CTNND2: variants seen among roughly 807,000 people sequenced by gnomAD.
CTNND2 encodes the protein catenin delta-2.
In CTNND2, 22 loss-of-function variants were observed where a neutral mutation model predicts 144.4. That is an observed-to-expected ratio of 0.15 (90% CI 0.11 to 0.22). CTNND2 has a LOEUF of 0.22. Among genes scored for constraint, CTNND2 ranks in the 10% least tolerant of loss-of-function variants. The pLI, the probability that CTNND2 is intolerant of heterozygous loss-of-function variation, is 1.00. For missense variants in CTNND2, 1,353 were observed against 1,618.8 expected, an observed-to-expected ratio of 0.84 and a Z score of 2.82; for synonymous variants, 751 against 695.6, an observed-to-expected ratio of 1.08 and a Z score of -1.25.
chr5:10,977,676 C>G (rs1056451582), intron 21 of CTNND2, among the ~76,000 whole-genome samples: 5 of 152,196 alleles, frequency 3.3e-5, no homozygotes, highest in African/African-American at 1.2e-4. Flanking sequence ...TGGTCTTGAA[C>G]TCCTGAGCTC....
At chr5:11,266,006 G>T (rs2149966165) in intron 9 of CTNND2, among the ~76,000 whole-genome samples, 1 of 151,998 alleles carries the variant, frequency 6.6e-6, no homozygotes, top group Non-Finnish European at 1.5e-5. Flanking sequence ...CACCAGGCCT[G>T]GTCATCTCTT....
intron 3 of CTNND2, among the ~76,000 whole-genome samples, chr5:11,529,323 T>C (rs1285427533): frequency 6.6e-6 from 1 of 152,236 alleles, no homozygotes; most frequent in Non-Finnish European, 1.5e-5. Context: ...GATTATTTAA[T>C]TTCAGTTAAA....
rs76891929 is a variant in CTNND2, at chr5:11,449,467, C to T, written c.288-37398G>A. Among the ~76,000 whole-genome samples the T allele has an allele frequency of 9.8e-3, 1,487 of 152,238 alleles. 21 individuals are homozygous for T. Among genetic ancestry groups the T allele is most frequent in the African/African-American group, 0.034 (1,404 of 41,540 alleles). The stretch of plus-strand genomic sequence containing the variant: ...GATTTGGATCAGTCTTTCATCAAGA[C>T]GCTAGTTGTCTCCTACCTAACATGA... On this transcript the variant is annotated intron_variant, in intron 3 of 21. Coordinates refer to ENST00000304623, the MANE Select transcript of CTNND2 (RefSeq NM_001332.4).
intron 1 of CTNND2, among the ~76,000 whole-genome samples, chr5:11,744,956 G>A (rs865884564): frequency 7.9e-5 from 12 of 151,786 alleles, no homozygotes; most frequent in Admixed American, 6.6e-5. Context: ...GGTGGGTCTC[G>A]AACTCCTGAG....
At chr5:11,145,967 G>A (rs1266401321) in intron 12 of CTNND2, among the ~76,000 whole-genome samples, 3 of 152,050 alleles carry the variant, frequency 2.0e-5, no homozygotes, top group Admixed American at 6.6e-5. Context: ...CGCCTTCACC[G>A]GCAAACTCTC....
At chr5:11,244,642 A>G (rs1015962971) in intron 9 of CTNND2, among the ~76,000 whole-genome samples, 6 of 152,224 alleles carry the variant, frequency 3.9e-5, no homozygotes, top group African/African-American at 1.4e-4. Flanking sequence ...TATATAAACA[A>G]TAGCACTAGA....
At chr5:11,487,562 G>A (rs1768947747) in intron 3 of CTNND2, among the ~76,000 whole-genome samples, 2 of 152,168 alleles carry the variant, frequency 1.3e-5, no homozygotes. Flanking sequence ...GGCAGTCAGA[G>A]TGCAGTGTGC....
chr5:11,758,961 T>C (rs11745162), intron 1 of CTNND2, among the ~76,000 whole-genome samples: 133,437 of 151,960 alleles, frequency 0.88, 60,707 homozygotes, highest in Non-Finnish European at 0.99. Context: ...ATTTTAATAT[T>C]TAGTTGTTAG....
chr5:11,448,191 C>A (rs1199638177), intron 3 of CTNND2, among the ~76,000 whole-genome samples: 2 of 152,018 alleles, frequency 1.3e-5, no homozygotes, highest in African/African-American at 4.8e-5. Context: ...TTATACCAAA[C>A]GATTTACACA....
At chr5:11,248,244 A>G (rs150185875) in intron 9 of CTNND2, among the ~76,000 whole-genome samples, 1 of 152,244 alleles carries the variant, frequency 6.6e-6, no homozygotes, top group African/African-American at 2.4e-5. Flanking sequence ...CTTTGTTGAT[A>G]TCAGGGTAAG....
At chr5:11,371,401 T>C (rs1027995125) in intron 7 of CTNND2, among the ~76,000 whole-genome samples, 1 of 152,222 alleles carries the variant, frequency 6.6e-6, no homozygotes, top group Non-Finnish European at 1.5e-5. Flanking sequence ...AAATATTACA[T>C]CTTAGATCTG....
At chr5:11,036,013 C>T (rs1394199688) in intron 16 of CTNND2, among the ~76,000 whole-genome samples, 1 of 152,166 alleles carries the variant, frequency 6.6e-6, no homozygotes. Context: ...GGTTTTCTCT[C>T]TGATTATATT....
intron 18 of CTNND2, among the ~76,000 whole-genome samples, chr5:11,005,126 G>T (rs2149517395): frequency 6.6e-6 from 1 of 152,342 alleles, no homozygotes; most frequent in Admixed American, 6.5e-5. Flanking sequence ...CACTGGGGCA[G>T]CAATAACCAG....
intron 2 of CTNND2, among the ~76,000 whole-genome samples, chr5:11,569,416 T>C (rs987267047): frequency 2.0e-5 from 3 of 152,208 alleles, no homozygotes; most frequent in Admixed American, 2.0e-4. Flanking sequence ...TATTGAACCA[T>C]ATAATACATT....
chr5:11,825,781 T>C (rs1427278095), intron 1 of CTNND2, among the ~76,000 whole-genome samples: 1 of 151,948 alleles, frequency 6.6e-6, no homozygotes, highest in Non-Finnish European at 1.5e-5. Flanking sequence ...AAGCCAAGGA[T>C]TAAGCAGACT....
intron 16 of CTNND2, among the ~76,000 whole-genome samples, chr5:11,068,716 C>T (rs1191008131): frequency 6.6e-6 from 1 of 152,158 alleles, no homozygotes; most frequent in Non-Finnish European, 1.5e-5. Flanking sequence ...GAGATCGAGA[C>T]CATCCTGGCT....
At chr5:11,444,415 T>A (rs1352131871) in intron 3 of CTNND2, among the ~76,000 whole-genome samples, 1 of 152,196 alleles carries the variant, frequency 6.6e-6, no homozygotes, top group Admixed American at 6.5e-5. Context: ...ATCTGGTCAT[T>A]CAAATGCTCA....
At chr5:11,746,009 G>A (rs1295398702) in intron 1 of CTNND2, among the ~76,000 whole-genome samples, 1 of 151,942 alleles carries the variant, frequency 6.6e-6, no homozygotes, top group Non-Finnish European at 1.5e-5. Context: ...CTAAATTAAT[G>A]GATACAAAAC....
intron 12 of CTNND2, among the ~76,000 whole-genome samples, chr5:11,133,168 T>C (rs562852860): frequency 2.8e-4 from 43 of 152,162 alleles, no homozygotes; most frequent in African/African-American, 9.1e-4. Flanking sequence ...TAAGAACACA[T>C]ATATATTTCA....
Sources: gnomAD v4.1 joint callset for allele counts (sites outside exome capture counted in the v4.1 genomes callset) on GRCh38, gnomAD v4.1.1 for gene constraint, MANE v1.5 for transcripts, NCBI Gene and HGNC (gene_info 2026-07-23, HGNC 2026-07-21) for gene names.